The following MDM4 variants were observed in gnomAD, a reference collection of about 807,000 sequenced individuals.
The protein encoded by MDM4 is protein Mdm4.
Under a neutral mutation model 60.2 loss-of-function variants are expected in MDM4, and 2 were observed. That is an observed-to-expected ratio of 0.03 (90% confidence interval 0.01 to 0.10). MDM4 has a LOEUF of 0.10. Among genes scored for constraint, MDM4 ranks in the 10% least tolerant of loss-of-function variants. The pLI is 1.00. For synonymous variants in MDM4, 202 were observed against 198.1 expected, an observed-to-expected ratio of 1.02 and a Z score of -0.17; for missense variants, 447 against 577.5, an observed-to-expected ratio of 0.77 and a Z score of 2.32.
rs1663574881 is a variant in MDM4, at chr1:204,556,944, C to T, written c.*7262C>T. On this transcript the variant is annotated 3_prime_UTR_variant, in exon 11 of 11. Transcript: ENST00000367182. The stretch of plus-strand genomic sequence containing the variant: ...GTCTCTAGCTATGCACTATTAAGTG[C>T]CTCTTGGGTAGAGGTAGAGTTAAGT... The T allele has an allele frequency of 4.8e-6, 1 of 208,538 alleles. No individual in the cohort carries two copies. Among genetic ancestry groups the T allele is most frequent in the African/African-American group, 2.3e-5 (1 of 44,034 alleles). The allele number at this position is 208,538 out of a possible 1,614,324, so 12.9% of individuals were successfully genotyped here.
chr1:204,535,739 G>A (rs914447599), intron 5 of MDM4, among the ~76,000 whole-genome samples: 13 of 151,038 alleles, frequency 8.6e-5, no homozygotes, highest in African/African-American at 3.2e-4. Context: ...CACCAGGCTG[G>A]TGGGTTGCCC....
At chr1:204,542,990 G>C in intron 8 of MDM4, 46 bp downstream of exon 8, 1 of 1,487,994 alleles carries the variant, frequency 6.7e-7, no homozygotes, top group Non-Finnish European at 9.3e-7. Flanking sequence ...CTTTTGAAAG[G>C]GTAACATTCT....
intron 7 of MDM4, 135 bp from the exon 8 acceptor site, chr1:204,542,649 G>T (rs1662227585): frequency 3.0e-6 from 2 of 657,360 alleles, no homozygotes; most frequent in Admixed American, 6.8e-5. Context: ...ACAGATACTT[G>T]ATTTCTGGTT....
At chr1:204,537,872 T>G in intron 6 of MDM4, 1 of 671,484 alleles carries the variant, frequency 1.5e-6, no homozygotes, top group Non-Finnish European at 2.8e-6. Context: ...AACTTTATAG[T>G]CATCTTGGTA....
In MDM4 at chr1:204,549,298, A is replaced by G. The variant is rs772113509; in HGVS notation, c.1089A>G (p.Arg363=). The change falls in exon 11 of 11, where the codon CGA becomes CGG. Residue 363 remains arginine, a synonymous_variant. Transcript: ENST00000367182. ...ENEGNDVPDC[R]RTISAPVVRP... is the part of the protein sequence containing the mutation. ...AAGGAAATGATGTCCCTGATTGTCG[A>G]AGAACCATTTCGGCTCCTGTCGTTA... is the stretch of plus-strand genomic sequence containing the variant. 6.2e-7 allele frequency: 1 copy of G among 1,614,220 alleles called. No individual in the cohort carries two copies. The highest frequency in any genetic ancestry group is 1.7e-5 in the Admixed American group (1 of 60,030).
intron 1 of MDM4, among the ~76,000 whole-genome samples, chr1:204,519,300 G>A (rs1301118090): frequency 2.0e-5 from 3 of 152,084 alleles, no homozygotes; most frequent in Non-Finnish European, 2.9e-5. Flanking sequence ...TTGGGAGTTC[G>A]AGACCAGCCT....
intron 2 of MDM4, 87 bp from the exon 3 acceptor site, chr1:204,526,273 G>A (rs961732306): frequency 2.6e-6 from 3 of 1,139,026 alleles, no homozygotes; most frequent in Non-Finnish European, 3.9e-6. Context: ...AAAAGCGGGG[G>A]GAGCTGTTTA....
chr1:204,523,269 A>G (rs957197043), intron 1 of MDM4, among the ~76,000 whole-genome samples: 1 of 146,438 alleles, frequency 6.8e-6, no homozygotes, highest in African/African-American at 2.5e-5. Flanking sequence ...GGAGATCAAG[A>G]CCATCCTGGC....
At chr1:204,523,249 C>T (rs1360582980) in intron 1 of MDM4, among the ~76,000 whole-genome samples, 5 of 148,960 alleles carry the variant, frequency 3.4e-5, no homozygotes, top group Non-Finnish European at 6.0e-5. Flanking sequence ...GCAGGCGGAT[C>T]ACGAGGTCAG....
At chr1:204,521,911 A>G (rs1444251603) in intron 1 of MDM4, among the ~76,000 whole-genome samples, 1 of 152,228 alleles carries the variant, frequency 6.6e-6, no homozygotes, top group Admixed American at 6.5e-5. Flanking sequence ...AGGGAAAAAT[A>G]AAGCAGGGAA....
Position 204,522,160 on chromosome 1 carries a change from C to T in MDM4, c.-35-3324C>T, listed in dbSNP as rs193170608. Among the ~76,000 whole-genome samples, 513 of 152,006 alleles carry T rather than the reference C, an allele frequency of 3.4e-3. 3 individuals carry two copies. The highest frequency in any genetic ancestry group is 5.7e-3 in the Non-Finnish European group (384 of 67,958). On this transcript the variant is annotated intron_variant, in intron 1 of 10. Coordinates refer to ENST00000367182, the MANE Select transcript of MDM4 (RefSeq NM_002393.5). Reference sequence around the variant, plus strand: ...CAGCCTGGGCAACATAGCAAGACCCCGTCTCTACAAAAAATAAATTAGCTG... The same window carrying T: ...CAGCCTGGGCAACATAGCAAGACCCTGTCTCTACAAAAAATAAATTAGCTG...
chr1:204,537,065 G>A (rs193118639), intron 5 of MDM4: 42 of 253,688 alleles, frequency 1.7e-4, no homozygotes, highest in African/African-American at 9.0e-4. Context: ...TTGTTTGTGA[G>A]TTAGGCGAAT....
rs748726868 is a variant in MDM4 at position 204,538,202 on chromosome 1, C to CT, written c.412-4dup. 3 of 1,564,162 alleles carry CT rather than the reference C, an allele frequency of 1.9e-6. No individual in the cohort carries two copies. Among genetic ancestry groups the CT allele is most frequent in the South Asian group, 2.2e-5 (2 of 89,878 alleles). On this transcript the variant is annotated splice_region_variant and splice_polypyrimidine_tract_variant and intron_variant, in intron 6 of 10. Transcript: ENST00000367182. ...CTGCACTGATGGACACCTTTCCCTT[C>CT]TTTCAGCAAAGTGCAGAGGAAAGTT...
intron 7 of MDM4, among the ~76,000 whole-genome samples, chr1:204,541,123 A>G (rs1662026480): frequency 6.6e-6 from 1 of 152,132 alleles, no homozygotes; most frequent in Non-Finnish European, 1.5e-5. Context: ...TTTTGTACTC[A>G]AAAGGCAATT....
chr1:204,527,223 C>T (rs890389081), intron 3 of MDM4, among the ~76,000 whole-genome samples: 1 of 151,762 alleles, frequency 6.6e-6, no homozygotes, highest in African/African-American at 2.4e-5. Flanking sequence ...GGGAGGATCG[C>T]TTGAACCCAG....
chr1:204,519,268 C>T (rs776083804), intron 1 of MDM4, among the ~76,000 whole-genome samples: 3 of 152,068 alleles, frequency 2.0e-5, no homozygotes, highest in African/African-American at 4.8e-5. Context: ...GCAGGCTGGG[C>T]CAAGGTGGGC....
At chr1:204,529,646 G>T in intron 3 of MDM4, 1 of 860,242 alleles carries the variant, frequency 1.2e-6, no homozygotes, top group Non-Finnish European at 1.8e-6. Context: ...GGTTCCTGGC[G>T]CTTGCCCTGC....
At position 204,530,611 on chromosome 1, in the gene MDM4, T is replaced by C. The variant is rs1012467515; in HGVS notation, c.154-73T>C. On this transcript the variant is annotated intron_variant, in intron 3 of 10. Transcript: ENST00000367182. The stretch of plus-strand genomic sequence containing the variant: ...TCTTTCTTTAGCAAACTAACTTACC[T>C]TACCTCCTCTAATGAATTTGTGTTT... 1.1e-4 allele frequency: 168 copies of C among 1,577,836 alleles called. 2 individuals are homozygous for C. In the Admixed American group the frequency reaches 2.9e-3, roughly 27 times the overall value.
chr1:204,545,356 C>T (rs897836463), intron 9 of MDM4, among the ~76,000 whole-genome samples: 3 of 152,066 alleles, frequency 2.0e-5, no homozygotes, highest in Non-Finnish European at 1.5e-5. Context: ...ATGGTATGTA[C>T]TCATGAAGTA....
Sources: gnomAD v4.1 joint callset for allele counts (sites outside exome capture counted in the v4.1 genomes callset) on GRCh38, gnomAD v4.1.1 for gene constraint, MANE v1.5 for transcripts, NCBI Gene and HGNC (gene_info 2026-07-23, HGNC 2026-07-21) for gene names.